The following NCKAP5 variants were observed in gnomAD, a reference collection of about 807,000 sequenced individuals.
NCKAP5 encodes NCK associated protein 5.
Under a neutral mutation model 167.0 loss-of-function variants are expected in NCKAP5, and 92 were observed. The ratio of observed to expected loss-of-function variants is 0.55; its 90% CI spans 0.47 to 0.66. NCKAP5 has a LOEUF of 0.66. Among genes scored for constraint, NCKAP5 ranks in the 30% least tolerant of loss-of-function variants. The probability of loss-of-function intolerance (pLI) is 0.00; values close to 1 mark genes in which losing one functional copy is unlikely to be tolerated. For missense variants in NCKAP5, 2,378 were observed against 2,315.0 expected (o/e 1.03, Z -0.56); for synonymous variants, 891 against 877.4 (o/e 1.02, Z -0.27).
chr2:133,153,314 C>G (rs1408363556), intron 5 of NCKAP5, among the ~76,000 whole-genome samples: 1 of 152,092 alleles, frequency 6.6e-6, no homozygotes, highest in East Asian at 1.9e-4. Flanking sequence ...AATATTGCTT[C>G]ATCCATTGTA....
At chr2:133,233,828 C>G (rs1000453221) in intron 4 of NCKAP5, among the ~76,000 whole-genome samples, 1 of 152,170 alleles carries the variant, frequency 6.6e-6, no homozygotes, top group African/African-American at 2.4e-5. Flanking sequence ...AACTGAGCAG[C>G]CCACACTCTA....
intron 6 of NCKAP5, among the ~76,000 whole-genome samples, chr2:133,100,263 T>G (rs987170639): frequency 1.3e-5 from 2 of 152,240 alleles, no homozygotes; most frequent in African/African-American, 2.4e-5. Context: ...GATCCCACTT[T>G]AATTAATCAT....
At chr2:133,047,530 T>C (rs1259980737) in intron 6 of NCKAP5, among the ~76,000 whole-genome samples, 1 of 152,196 alleles carries the variant, frequency 6.6e-6, no homozygotes, top group Non-Finnish European at 1.5e-5. Context: ...CTTTTGAAAA[T>C]ATATGCTATC....
chr2:133,344,326 T>G (rs551152713), intron 3 of NCKAP5, among the ~76,000 whole-genome samples: 4 of 150,640 alleles, frequency 2.7e-5, no homozygotes, highest in Admixed American at 6.6e-5. Context: ...GAGAATTTTT[T>G]GAACCTGGGA....
At chr2:132,699,961 T>A (rs1687723943) in intron 19 of NCKAP5, among the ~76,000 whole-genome samples, 1 of 152,232 alleles carries the variant, frequency 6.6e-6, no homozygotes, top group African/African-American at 2.4e-5. Flanking sequence ...GTAAAAGTGT[T>A]CCTATTTCTC....
At chr2:133,190,377 C>A (rs1314860629) in intron 5 of NCKAP5, among the ~76,000 whole-genome samples, 1 of 152,088 alleles carries the variant, frequency 6.6e-6, no homozygotes. Flanking sequence ...TCAATGCCAT[C>A]CCCATCAAGC....
chr2:133,406,156 TG>T (rs1688414930), intron 3 of NCKAP5, among the ~76,000 whole-genome samples: 1 of 152,232 alleles, frequency 6.6e-6, no homozygotes, highest in South Asian at 2.1e-4. Flanking sequence ...GAAGCATCCC[TG>T]GAACAGTTAG....
intron 4 of NCKAP5, among the ~76,000 whole-genome samples, chr2:133,224,159 C>T (rs2086781199): frequency 6.6e-6 from 1 of 152,158 alleles, no homozygotes; most frequent in Non-Finnish European, 1.5e-5. Context: ...ATGACACCCA[C>T]ATTTTCATTC....
Position 132,895,657 on chromosome 2 carries a change from C to T in NCKAP5, c.580-16741G>A, listed in dbSNP as rs531471669. On this transcript the variant is annotated intron_variant, in intron 8 of 19. Transcript: ENST00000409261. Reference sequence around the variant, plus strand: ...GCTGATGATTACTATGTGCTACACTCTGTGCTTAGCCCTCAACAAACTTTA... The same window carrying T: ...GCTGATGATTACTATGTGCTACACTTTGTGCTTAGCCCTCAACAAACTTTA... 4.6e-5 allele frequency among the ~76,000 whole-genome samples: 7 copies of T among 152,166 alleles called. No individual in the cohort carries two copies. In the South Asian group the frequency reaches 1.5e-3, roughly 32 times the overall value.
intron 4 of NCKAP5, among the ~76,000 whole-genome samples, chr2:133,249,996 G>A (rs1331832184): frequency 8.3e-5 from 2 of 24,138 alleles, no homozygotes; most frequent in African/African-American, 2.8e-4. Flanking sequence ...ACCACCAAGG[G>A]TTTTATTATT....
intron 11 of NCKAP5, among the ~76,000 whole-genome samples, chr2:132,819,033 CT>C (rs1478228910): frequency 1.3e-5 from 2 of 152,182 alleles, no homozygotes; most frequent in East Asian, 3.9e-4. Flanking sequence ...TCTTTATAAT[CT>C]TATGTCTTTT....
At chr2:133,052,246 C>T (rs369448604) in intron 6 of NCKAP5, among the ~76,000 whole-genome samples, 17 of 152,152 alleles carry the variant, frequency 1.1e-4, no homozygotes, top group African/African-American at 1.7e-4. Context: ...TAGGAAACCA[C>T]GGACTATCAT....
chr2:133,139,437 G>A (rs16857192), intron 5 of NCKAP5, among the ~76,000 whole-genome samples: 2 of 152,162 alleles, frequency 1.3e-5, no homozygotes, highest in Non-Finnish European at 2.9e-5. Context: ...TGGATAATTA[G>A]TGGGTGAAGA....
intron 6 of NCKAP5, among the ~76,000 whole-genome samples, chr2:133,018,610 T>C (rs1008755279): frequency 6.6e-6 from 1 of 152,218 alleles, no homozygotes; most frequent in African/African-American, 2.4e-5. Flanking sequence ...TTAAAAGGAC[T>C]TAGAACACCT....
At chr2:132,796,561 ACAT>A in intron 12 of NCKAP5, 64 bp downstream of exon 12, 1 of 1,093,872 alleles carries the variant, frequency 9.1e-7, no homozygotes, top group Non-Finnish European at 1.4e-6. Context: ...TTCGCTTGTG[ACAT>A]CATATTTGAT....
chr2:133,245,502 C>T (rs2087930072), intron 4 of NCKAP5, among the ~76,000 whole-genome samples: 1 of 152,096 alleles, frequency 6.6e-6, no homozygotes, highest in African/African-American at 2.4e-5. Flanking sequence ...ACAAACAAGG[C>T]ATGGAGTGAA....
intron 8 of NCKAP5, among the ~76,000 whole-genome samples, chr2:132,891,231 T>A (rs1485216491): frequency 2.0e-5 from 3 of 151,794 alleles, no homozygotes; most frequent in Non-Finnish European, 1.5e-5. Context: ...ACTTGGGGGG[T>A]TATGGGATCA....
At chr2:132,860,416 G>T in intron 11 of NCKAP5, 76 bp downstream of exon 11, 1 of 1,475,060 alleles carries the variant, frequency 6.8e-7, no homozygotes, top group Non-Finnish European at 9.2e-7. Context: ...TGAAGATGTT[G>T]CTAACTTCTG....
At chr2:132,819,986 G>C (rs538558896) in intron 11 of NCKAP5, among the ~76,000 whole-genome samples, 126 of 152,130 alleles carry the variant, frequency 8.3e-4, no homozygotes, top group African/African-American at 2.9e-3. Context: ...GTAGTTTCAA[G>C]GCTTTTATAA....
Sources: gnomAD v4.1 joint callset for allele counts (sites outside exome capture counted in the v4.1 genomes callset) on GRCh38, gnomAD v4.1.1 for gene constraint, MANE v1.5 for transcripts, NCBI Gene and HGNC (gene_info 2026-07-23, HGNC 2026-07-21) for gene names.